The following UNC5D variants were observed in gnomAD, a reference collection of about 807,000 sequenced individuals.
UNC5D encodes the protein unc-5 netrin receptor D.
In UNC5D, 39 loss-of-function variants were observed where a neutral mutation model predicts 105.4. That is an observed-to-expected ratio of 0.37 (90% confidence interval 0.29 to 0.48). The LOEUF is 0.48. Ranked by LOEUF, UNC5D falls within the 20% of genes least tolerant of loss-of-function variation. The pLI is 0.98. For synonymous variants in UNC5D, 452 were observed against 450.4 expected (o/e 1.00, Z -0.04); for missense variants, 991 against 1,202.4 (o/e 0.82, Z 2.60).
chr8:35,293,480 G>T (rs1807230775), intron 1 of UNC5D, among the ~76,000 whole-genome samples: 2 of 152,210 alleles, frequency 1.3e-5, no homozygotes, highest in African/African-American at 2.4e-5. Flanking sequence ...ATCTGGTGCT[G>T]GTTTGGAAGC....
chr8:35,304,447 C>T (rs1808189271), intron 1 of UNC5D, among the ~76,000 whole-genome samples: 1 of 151,994 alleles, frequency 6.6e-6, no homozygotes, highest in African/African-American at 2.4e-5. Flanking sequence ...GACATGCCAG[C>T]AATTTTAGTT....
intron 1 of UNC5D, among the ~76,000 whole-genome samples, chr8:35,440,928 G>A (rs1458700209): frequency 6.6e-6 from 1 of 151,934 alleles, no homozygotes; most frequent in African/African-American, 2.4e-5. Flanking sequence ...GTTCTGAGAG[G>A]AGGGTAGGGA....
chr8:35,716,345 A>G (rs1179598102), intron 8 of UNC5D, among the ~76,000 whole-genome samples: 1 of 152,206 alleles, frequency 6.6e-6, no homozygotes, highest in African/African-American at 2.4e-5. Flanking sequence ...AAGTCAGCAT[A>G]AGGTTAGTGC....
intron 4 of UNC5D, among the ~76,000 whole-genome samples, chr8:35,670,302 G>A (rs1563650468): frequency 6.6e-6 from 1 of 152,024 alleles, no homozygotes; most frequent in Non-Finnish European, 1.5e-5. Flanking sequence ...GTAAATATTT[G>A]GTAAATAATT....
intron 1 of UNC5D, among the ~76,000 whole-genome samples, chr8:35,473,876 T>C (rs1004925072): frequency 6.6e-6 from 1 of 152,218 alleles, no homozygotes; most frequent in East Asian, 1.9e-4. Context: ...TTGTTGGCTC[T>C]GAGTTCAAGG....
At chr8:35,337,004 A>G (rs1027989168) in intron 1 of UNC5D, among the ~76,000 whole-genome samples, 1 of 152,076 alleles carries the variant, frequency 6.6e-6, no homozygotes, top group Non-Finnish European at 1.5e-5. Flanking sequence ...TATTTTTCAT[A>G]TTTATTTATT....
chr8:35,757,084 T>C (rs1355072740), intron 13 of UNC5D, among the ~76,000 whole-genome samples: 1 of 152,022 alleles, frequency 6.6e-6, no homozygotes, highest in Non-Finnish European at 1.5e-5. Flanking sequence ...TGGCTATAAA[T>C]AAACCCAGGT....
At chr8:35,350,876 G>A (rs771031297) in intron 1 of UNC5D, among the ~76,000 whole-genome samples, 7 of 152,056 alleles carry the variant, frequency 4.6e-5, no homozygotes, top group African/African-American at 1.2e-4. Flanking sequence ...GATTGTTGCC[G>A]TTTTTGTTGT....
intron 2 of UNC5D, among the ~76,000 whole-genome samples, chr8:35,566,049 C>A (rs1683422543): frequency 6.6e-6 from 1 of 152,132 alleles, no homozygotes; most frequent in African/African-American, 2.4e-5. Flanking sequence ...TTCTTTTCTC[C>A]TATTTGATTT....
intron 1 of UNC5D, among the ~76,000 whole-genome samples, chr8:35,453,116 A>G (rs1469602633): frequency 6.6e-6 from 1 of 152,174 alleles, no homozygotes; most frequent in Non-Finnish European, 1.5e-5. Flanking sequence ...TCTTCACTGG[A>G]AAGTAGGGAA....
chr8:35,665,682 C>T (rs1824379914), intron 4 of UNC5D, among the ~76,000 whole-genome samples: 1 of 128,334 alleles, frequency 7.8e-6, no homozygotes. Context: ...TTTCATTTTG[C>T]AGAGGAAGAA....
chr8:35,783,147 A>T lies in UNC5D; in HGVS notation c.2658-7212A>T, dbSNP rs1411166788. On this transcript the variant is annotated intron_variant, in intron 16 of 16. Transcript: ENST00000404895. ...GACAGAGTGAGACCCTATCTTGGAG[A>T]AAGAAAAAAAAAAAAGAGTCATATG... 2.0e-5 allele frequency among the ~76,000 whole-genome samples: 3 copies of T among 147,736 alleles called. No homozygotes were observed. The East Asian group carries it at 5.9e-4, about 29-fold the overall frequency.
At chr8:35,656,996 G>A (rs997926541) in intron 4 of UNC5D, among the ~76,000 whole-genome samples, 2 of 145,382 alleles carry the variant, frequency 1.4e-5, no homozygotes, top group African/African-American at 5.1e-5. Context: ...TTGACTGTTT[G>A]TTTTTATAGA....
chr8:35,526,978 C>G (rs1813921355), intron 1 of UNC5D, among the ~76,000 whole-genome samples: 1 of 152,174 alleles, frequency 6.6e-6, no homozygotes, highest in Non-Finnish European at 1.5e-5. Flanking sequence ...TGTGCCTTTG[C>G]TTCTGCTCTC....
intron 14 of UNC5D, among the ~76,000 whole-genome samples, chr8:35,762,479 A>T (rs1801579926): frequency 6.6e-6 from 1 of 152,200 alleles, no homozygotes. Flanking sequence ...TGGTTCAAAG[A>T]AAACCTGAGG....
chr8:35,550,428 A>G (rs950618627), intron 2 of UNC5D, among the ~76,000 whole-genome samples: 3 of 152,140 alleles, frequency 2.0e-5, no homozygotes, highest in African/African-American at 4.8e-5. Context: ...TAGATTGTTG[A>G]TTTTTTTAGA....
chr8:35,542,147 T>A (rs984655885), intron 1 of UNC5D, among the ~76,000 whole-genome samples: 8 of 152,208 alleles, frequency 5.3e-5, no homozygotes, highest in African/African-American at 1.9e-4. Flanking sequence ...GTTTTCAAGT[T>A]AAAAATAAAC....
chr8:35,752,089 G>T (rs1022929643), intron 13 of UNC5D, among the ~76,000 whole-genome samples: 1 of 152,170 alleles, frequency 6.6e-6, no homozygotes, highest in Non-Finnish European at 1.5e-5. Flanking sequence ...TGGACATATA[G>T]TCTATTAATT....
chr8:35,282,482 C>A (rs1283121551), intron 1 of UNC5D, among the ~76,000 whole-genome samples: 1 of 152,054 alleles, frequency 6.6e-6, no homozygotes, highest in African/African-American at 2.4e-5. Context: ...GAAGTCTCTT[C>A]AATAGGGCAT....
Sources: allele counts gnomAD v4.1 joint callset (sites outside exome capture counted in the v4.1 genomes callset), GRCh38; gene constraint gnomAD v4.1.1; transcripts MANE v1.5; gene names NCBI Gene and HGNC (gene_info 2026-07-23, HGNC 2026-07-21).